SH3KBP1: variants seen among roughly 807,000 people sequenced by gnomAD.
SH3KBP1 encodes the protein SH3 domain containing kinase binding protein 1, also known as SH3 domain-containing kinase-binding protein 1.
Under a neutral mutation model 50.1 loss-of-function variants are expected in SH3KBP1, and 8 were observed. The observed-to-expected ratio is 0.16, with a 90% CI of 0.09 to 0.29. The LOEUF (loss-of-function observed/expected upper bound fraction) is 0.29, where lower values mean the gene tolerates loss of function less well. SH3KBP1 is among the 10% of genes least tolerant of loss of function. The pLI is 1.00. For synonymous variants in SH3KBP1, 227 were observed against 218.6 expected (o/e 1.04, Z -0.34); for missense variants, 377 against 535.2 (o/e 0.70, Z 2.92).
At chrX:19,694,754 C>T (rs190589909) in intron 5 of SH3KBP1, among the ~76,000 whole-genome samples, 2 of 111,728 alleles carry the variant, frequency 1.8e-5, no homozygotes, top group African/African-American at 6.5e-5. Context: ...CAAACTAACA[C>T]GAGAACACCA....
chrX:19,815,660 C>T, intron 2 of SH3KBP1, among the ~76,000 whole-genome samples: 1 of 111,519 alleles, frequency 9.0e-6, no homozygotes, highest in Non-Finnish European at 1.9e-5. Flanking sequence ...CCAGTCTTCC[C>T]CACACCCTGT....
At chrX:19,700,954 G>A (rs1240933586) in intron 4 of SH3KBP1, among the ~76,000 whole-genome samples, 3 of 111,982 alleles carry the variant, frequency 2.7e-5, no homozygotes, top group Admixed American at 9.5e-5. Context: ...GGCGGCCCTC[G>A]AAGAGAAATC....
At chrX:19,799,858 G>GT (rs1255211464) in intron 2 of SH3KBP1, 11 of 991,005 alleles carry the variant, frequency 1.1e-5, no homozygotes, top group African/African-American at 7.9e-5. Context: ...CACACTGGTG[G>GT]TTTTTTTGTA....
At chrX:19,638,226 C>T (rs1262914323) in intron 7 of SH3KBP1, among the ~76,000 whole-genome samples, 1 of 109,101 alleles carries the variant, frequency 9.2e-6, no homozygotes, top group Non-Finnish European at 1.9e-5. Flanking sequence ...CTGGCTAACA[C>T]GGTGAAACCC....
chrX:19,818,069 C>T (rs1338948826), intron 2 of SH3KBP1, among the ~76,000 whole-genome samples: 1 of 112,225 alleles, frequency 8.9e-6, no homozygotes, highest in Non-Finnish European at 1.9e-5. Context: ...GCTATATCAC[C>T]TACGTTTGTA....
chrX:19,746,289 G>C, intron 3 of SH3KBP1, 29 bp downstream of exon 3: 2 of 1,205,338 alleles, frequency 1.7e-6, no homozygotes. Flanking sequence ...TTGTGTGCAG[G>C]GAGGGAACCT....
At chrX:19,882,549 G>A (rs961050583) in intron 1 of SH3KBP1, among the ~76,000 whole-genome samples, 3 of 111,589 alleles carry the variant, frequency 2.7e-5, no homozygotes, top group African/African-American at 9.8e-5. Context: ...GGCAAGGAAA[G>A]GGATTCCCTC....
intron 1 of SH3KBP1, among the ~76,000 whole-genome samples, chrX:19,870,113 C>T (rs1304879209): frequency 1.8e-5 from 2 of 112,212 alleles, no homozygotes. Context: ...AATCACAAGT[C>T]TCTGCAGTTT....
chrX:19,853,158 G>A (rs1293757049), intron 1 of SH3KBP1, among the ~76,000 whole-genome samples: 1 of 112,281 alleles, frequency 8.9e-6, no homozygotes, highest in Non-Finnish European at 1.9e-5. Context: ...GCGTGTGCAC[G>A]TGTGTGTGTG....
Position 19,760,022 on chromosome X carries a change from TCCTCTCTCTCTCTCTCTCC to T in SH3KBP1, c.163-13600_163-13582del, listed in dbSNP as rs1477558494. On this transcript the variant is annotated intron_variant, in intron 2 of 17. Coordinates refer to ENST00000397821, the MANE Select transcript of SH3KBP1 (RefSeq NM_031892.3). ...AAATCAGTCTCGGTCTCTCTCTCTC[TCCTCTCTCTCTCTCTCTCC>T]CTCTCTCTCTCTCTCTCTCTCTCTC... Among the ~76,000 whole-genome samples, 140 of 83,780 alleles carry T rather than the reference TCCTCTCTCTCTCTCTCTCC, an allele frequency of 1.7e-3. 5 individuals carry two copies. Among genetic ancestry groups the T allele is most frequent in the African/African-American group, 6.4e-3 (125 of 19,390 alleles). The allele number at this position is 83,780 out of a possible 115,157, so 72.8% of individuals were successfully genotyped here. A position where few individuals can be genotyped will look rare whatever the true frequency, so the allele number is the denominator to read the frequency against.
chrX:19,788,280 A>C (rs764878379), intron 2 of SH3KBP1, among the ~76,000 whole-genome samples: 10 of 102,653 alleles, frequency 9.7e-5, no homozygotes, highest in South Asian at 4.0e-4. Flanking sequence ...AAAAAAAAAA[A>C]AAAAACAAAA....
chrX:19,619,409 AT>A (rs1380706085), intron 8 of SH3KBP1, among the ~76,000 whole-genome samples: 2 of 112,980 alleles, frequency 1.8e-5, no homozygotes, highest in Non-Finnish European at 1.9e-5. Context: ...TTAACTATAT[AT>A]AAGGGCATGT....
intron 1 of SH3KBP1, among the ~76,000 whole-genome samples, chrX:19,876,159 G>A (rs768899400): frequency 1.9e-4 from 21 of 111,699 alleles, no homozygotes; most frequent in Non-Finnish European, 2.8e-4. Flanking sequence ...GGGAGTTCCA[G>A]ACCAGCCTGG....
At chrX:19,746,029 C>T (rs1270186829) in intron 3 of SH3KBP1, among the ~76,000 whole-genome samples, 1 of 112,655 alleles carries the variant, frequency 8.9e-6, no homozygotes, top group South Asian at 3.6e-4. Context: ...CACCTTTCAT[C>T]CATAAAAATA....
intron 1 of SH3KBP1, among the ~76,000 whole-genome samples, chrX:19,849,012 G>A (rs1244211999): frequency 9.1e-6 from 1 of 110,077 alleles, no homozygotes; most frequent in Non-Finnish European, 1.9e-5. Context: ...GTCTCACTAT[G>A]TTGCTCAGGC....
At chrX:19,572,042 C>T (rs1213089653) in intron 12 of SH3KBP1, among the ~76,000 whole-genome samples, 2 of 110,370 alleles carry the variant, frequency 1.8e-5, no homozygotes, top group African/African-American at 6.6e-5. Context: ...TTTCCCTCTG[C>T]GATTTGACAG....
At chrX:19,799,625 C>T in intron 2 of SH3KBP1, 2 of 1,205,582 alleles carry the variant, frequency 1.7e-6, no homozygotes, top group Non-Finnish European at 1.1e-6. Context: ...AGATGTATGG[C>T]CTACTTACAA....
rs957836905 is a variant in SH3KBP1, at chrX:19,634,636, A to AAGG, written c.803-2681_803-2679dup. On this transcript the variant is annotated intron_variant, in intron 7 of 17. Coordinates refer to ENST00000397821, the MANE Select transcript of SH3KBP1 (RefSeq NM_031892.3). ...GTGGAGGAACACTTGGAGGGGCCAC[A>AAGG]AGGAGGAGGAGGAGAGGACGGTGGG... Among the ~76,000 whole-genome samples the AAGG allele has an allele frequency of 4.5e-5, 5 of 111,381 alleles. No individual in the cohort carries two copies. In the East Asian group the frequency reaches 8.5e-4, roughly 19 times the overall value.
At chrX:19,837,811 AG>A (rs1449954508) in intron 1 of SH3KBP1, among the ~76,000 whole-genome samples, 4 of 111,729 alleles carry the variant, frequency 3.6e-5, no homozygotes, top group African/African-American at 9.8e-5. Context: ...ATACAAGGAT[AG>A]CAAAAATTAG....
Sources: gnomAD v4.1 joint callset for allele counts (sites outside exome capture counted in the v4.1 genomes callset) on GRCh38, gnomAD v4.1.1 for gene constraint, MANE v1.5 for transcripts, NCBI Gene and HGNC (gene_info 2026-07-23, HGNC 2026-07-21) for gene names.